Variants in CLMN observed in about 807,000 individuals in gnomAD.
CLMN encodes the protein calmin, also known as calmin (calponin-like, transmembrane).
CLMN carries 57 observed loss-of-function variants against 92.7 expected under a neutral mutation model. The observed-to-expected ratio is 0.61, with a 90% CI of 0.50 to 0.77. The LOEUF is 0.77. Ranked by LOEUF, CLMN falls within the 30% of genes least tolerant of loss-of-function variation. The pLI is 0.00. For missense variants in CLMN, 1,158 were observed against 1,237.5 expected (o/e 0.94, Z 0.96); for synonymous variants, 466 against 470.6 (o/e 0.99, Z 0.13).
chr14:95,279,438 C>A (rs1174817996), intron 1 of CLMN, among the ~76,000 whole-genome samples: 2 of 152,164 alleles, frequency 1.3e-5, no homozygotes, highest in African/African-American at 4.8e-5. Flanking sequence ...AAGAGTTAAA[C>A]CTTATCTGCA....
At chr14:95,273,734 A>C (rs946597498) in intron 1 of CLMN, among the ~76,000 whole-genome samples, 8 of 152,192 alleles carry the variant, frequency 5.3e-5, no homozygotes, top group African/African-American at 1.7e-4. Context: ...TTTTTGACAT[A>C]TAGCTCTGCA....
At chr14:95,279,954 G>T (rs1900081431) in intron 1 of CLMN, among the ~76,000 whole-genome samples, 1 of 150,522 alleles carries the variant, frequency 6.6e-6, no homozygotes, top group African/African-American at 2.5e-5. Flanking sequence ...AGATTATAAG[G>T]CATCAGAATA....
chr14:95,314,970 A>C (rs1252354392), intron 1 of CLMN, among the ~76,000 whole-genome samples: 1 of 152,224 alleles, frequency 6.6e-6, no homozygotes, highest in African/African-American at 2.4e-5. Context: ...GTGCCCTCTA[A>C]GAGCTGGCGG....
At chr14:95,263,805 TG>T (rs1378028848) in intron 1 of CLMN, among the ~76,000 whole-genome samples, 1 of 152,076 alleles carries the variant, frequency 6.6e-6, no homozygotes, top group Admixed American at 6.5e-5. Context: ...GTGCCCACCT[TG>T]GGGGGTTGTT....
chr14:95,246,371 T>C (rs1898571002), intron 1 of CLMN, among the ~76,000 whole-genome samples: 1 of 152,230 alleles, frequency 6.6e-6, no homozygotes, highest in Admixed American at 6.5e-5. Flanking sequence ...AAGGTTCTTG[T>C]CCATCTTTCT....
intron 1 of CLMN, among the ~76,000 whole-genome samples, chr14:95,274,591 G>A (rs1054054149): frequency 1.3e-5 from 2 of 152,174 alleles, no homozygotes; most frequent in Admixed American, 6.5e-5. Flanking sequence ...CACCCAGCAC[G>A]CTGCCTCGTA....
At chr14:95,230,547 G>A (rs965288814) in intron 1 of CLMN, among the ~76,000 whole-genome samples, 2 of 152,198 alleles carry the variant, frequency 1.3e-5, no homozygotes, top group African/African-American at 4.8e-5. Flanking sequence ...GGGGTGGAGT[G>A]GAGCCGATAA....
chr14:95,220,840 C>G (rs1255632532), intron 4 of CLMN, among the ~76,000 whole-genome samples: 1 of 152,162 alleles, frequency 6.6e-6, no homozygotes, highest in Non-Finnish European at 1.5e-5. Flanking sequence ...TGGGGCTGCC[C>G]AGAGGTTGCA....
chr14:95,272,741 T>G (rs896236433), intron 1 of CLMN, among the ~76,000 whole-genome samples: 1 of 152,154 alleles, frequency 6.6e-6, no homozygotes, highest in Non-Finnish European at 1.5e-5. Context: ...GAGTTCATGG[T>G]GTAGTGGGAC....
chr14:95,195,495 T>C (rs1896683686), intron 10 of CLMN, among the ~76,000 whole-genome samples: 1 of 152,264 alleles, frequency 6.6e-6, no homozygotes, highest in African/African-American at 2.4e-5. Flanking sequence ...GCAACTCCTC[T>C]GGCTCTGTCT....
intron 8 of CLMN, 98 bp downstream of exon 8, chr14:95,209,297 G>T: frequency 1.8e-6 from 2 of 1,086,872 alleles, no homozygotes; most frequent in Non-Finnish European, 2.8e-6. Flanking sequence ...TTGACTGCTA[G>T]TTACACAGAG....
intron 1 of CLMN, among the ~76,000 whole-genome samples, chr14:95,283,215 A>G (rs930330047): frequency 1.3e-5 from 2 of 152,198 alleles, no homozygotes; most frequent in South Asian, 2.1e-4. Context: ...TGGGTTTATC[A>G]GGGGTTTTTG....
intron 1 of CLMN, among the ~76,000 whole-genome samples, chr14:95,237,300 A>G (rs918377042): frequency 2.6e-5 from 4 of 152,238 alleles, no homozygotes; most frequent in South Asian, 2.1e-4. Context: ...AAGCGCCTTT[A>G]GACAAGTAGA....
intron 1 of CLMN, among the ~76,000 whole-genome samples, chr14:95,257,237 C>T (rs986760176): frequency 2.6e-5 from 4 of 152,226 alleles, no homozygotes; most frequent in African/African-American, 4.8e-5. Context: ...ATCGAAACAA[C>T]GGTCGAGAGC....
chr14:95,211,806 C>G (rs1399084139), intron 6 of CLMN, among the ~76,000 whole-genome samples: 1 of 152,160 alleles, frequency 6.6e-6, no homozygotes, highest in African/African-American at 2.4e-5. Flanking sequence ...GTTATCCAAA[C>G]CAGAACACCA....
intron 8 of CLMN, among the ~76,000 whole-genome samples, chr14:95,207,801 G>T (rs1332609549): frequency 6.6e-6 from 1 of 152,188 alleles, no homozygotes; most frequent in Non-Finnish European, 1.5e-5. Flanking sequence ...ACACACACAG[G>T]TGGGGGCCAG....
intron 1 of CLMN, among the ~76,000 whole-genome samples, chr14:95,281,612 G>C (rs1900146937): frequency 6.6e-6 from 1 of 152,130 alleles, no homozygotes; most frequent in African/African-American, 2.4e-5. Flanking sequence ...AATCTAGATT[G>C]ATTTTCTAAT....
chr14:95,209,028 C>T (rs978905239), intron 8 of CLMN, among the ~76,000 whole-genome samples: 4 of 152,140 alleles, frequency 2.6e-5, no homozygotes, highest in Admixed American at 6.5e-5. Context: ...GTAATGATGT[C>T]GGCCCATGGT....
intron 3 of CLMN, chr14:95,222,697 G>A (rs1897585743): frequency 2.3e-6 from 1 of 433,692 alleles, no homozygotes; most frequent in African/African-American, 2.0e-5. Context: ...TCATGGCGAG[G>A]CCTCTAAGAA....
Sources: allele counts gnomAD v4.1 joint callset (sites outside exome capture counted in the v4.1 genomes callset), GRCh38; gene constraint gnomAD v4.1.1; transcripts MANE v1.5; gene names NCBI Gene and HGNC (gene_info 2026-07-23, HGNC 2026-07-21).